Variants in CDC42BPA observed in about 807,000 individuals in gnomAD.
The protein encoded by CDC42BPA is serine/threonine-protein kinase MRCK alpha.
CDC42BPA carries 80 observed loss-of-function variants against 223.5 expected under a neutral mutation model. The observed-to-expected ratio is 0.36, with a 90% confidence interval of 0.30 to 0.43. CDC42BPA has a LOEUF of 0.43. Among genes scored for constraint, CDC42BPA ranks in the 20% least tolerant of loss-of-function variants. The pLI is 1.00. For synonymous variants in CDC42BPA, 694 were observed against 718.6 expected, an observed-to-expected ratio of 0.97 and a Z score of 0.55; for missense variants, 1,743 against 2,099.9, an observed-to-expected ratio of 0.83 and a Z score of 3.32.
chr1:227,120,747 C>T lies in CDC42BPA; in HGVS notation c.1514-810G>A, dbSNP rs1688521004. On this transcript the variant is annotated intron_variant, in intron 11 of 36. Coordinates refer to ENST00000366766, the MANE Select transcript of CDC42BPA (RefSeq NM_001394014.1). Reference sequence around the variant, plus strand: ...CAGTGATACAGAGAAATCTAAACAACACTCATTATCGGTTCTGCTCTGGAT... The same window carrying T: ...CAGTGATACAGAGAAATCTAAACAATACTCATTATCGGTTCTGCTCTGGAT... Among the ~76,000 whole-genome samples, 4 of 152,268 alleles carry T rather than the reference C, an allele frequency of 2.6e-5. No homozygotes were observed. In the South Asian group the frequency reaches 8.3e-4, roughly 32 times the overall value.
chr1:227,059,189 CAA>C (rs59693176), intron 21 of CDC42BPA, among the ~76,000 whole-genome samples: 2 of 144,270 alleles, frequency 1.4e-5, no homozygotes. Flanking sequence ...CGGCCAAAGC[CAA>C]AAAAAAAACA....
At chr1:227,059,199 A>AC (rs397759620) in intron 21 of CDC42BPA, among the ~76,000 whole-genome samples, 3 of 152,238 alleles carry the variant, frequency 2.0e-5, no homozygotes, top group South Asian at 2.1e-4. Context: ...CAAAAAAAAA[A>AC]CATAAACAAA....
chr1:227,258,686 C>G (rs1229175196), intron 1 of CDC42BPA, among the ~76,000 whole-genome samples: 2 of 150,754 alleles, frequency 1.3e-5, no homozygotes, highest in Non-Finnish European at 2.9e-5. Flanking sequence ...TTTCTTATTT[C>G]TATGCTGCAT....
chr1:227,103,983 T>TG (rs1685477078), intron 14 of CDC42BPA, among the ~76,000 whole-genome samples: 2 of 151,938 alleles, frequency 1.3e-5, no homozygotes, highest in African/African-American at 2.4e-5. Flanking sequence ...AAGATCAAAA[T>TG]TAAGGGATAC....
At chr1:227,157,918 G>A (rs936480760) in intron 6 of CDC42BPA, among the ~76,000 whole-genome samples, 3 of 150,312 alleles carry the variant, frequency 2.0e-5, no homozygotes, top group Non-Finnish European at 3.0e-5. Context: ...AATCTTTAAG[G>A]CTACATTTTC....
intron 32 of CDC42BPA, 120 bp from the exon 33 acceptor site, chr1:227,017,170 T>A (rs2148505491): frequency 1.2e-6 from 1 of 845,572 alleles, no homozygotes; most frequent in Non-Finnish European, 1.8e-6. Flanking sequence ...TTCTGGTTTT[T>A]AAATGTTGTG....
In CDC42BPA at chr1:227,160,648, A is replaced by G. The variant is rs3754419; in HGVS notation, c.600-12T>C. The G allele has an allele frequency of 1.5e-6, 2 of 1,376,404 alleles. No individual in the cohort carries two copies. Among genetic ancestry groups the G allele is most frequent in the Non-Finnish European group, 2.0e-6 (2 of 984,652 alleles). 85.3% of individuals were successfully genotyped at this position (1,376,404 alleles called of 1,614,324 possible). A position where few individuals can be genotyped will look rare whatever the true frequency, so the allele number is the denominator to read the frequency against. ...CAGGTTTAATGTCTCTGAAAAAATAAATAAATTCAATTTTTAGTGGAAAAA... is the reference window on the plus strand; with the variant it reads ...CAGGTTTAATGTCTCTGAAAAAATAGATAAATTCAATTTTTAGTGGAAAAA... On this transcript the variant is annotated splice_polypyrimidine_tract_variant and intron_variant, in intron 5 of 36. Transcript: ENST00000366766.
chr1:227,246,858 C>T (rs1320962550), intron 2 of CDC42BPA, among the ~76,000 whole-genome samples: 1 of 152,142 alleles, frequency 6.6e-6, no homozygotes, highest in Non-Finnish European at 1.5e-5. Context: ...CACTGGGGAT[C>T]AATCCTAGAG....
At chr1:227,121,964 C>T (rs1688749111) in intron 11 of CDC42BPA, among the ~76,000 whole-genome samples, 1 of 151,954 alleles carries the variant, frequency 6.6e-6, no homozygotes. Flanking sequence ...CCACGTCTGG[C>T]TAATTCTTGT....
chr1:227,203,288 C>T (rs1672108433), intron 3 of CDC42BPA, among the ~76,000 whole-genome samples: 1 of 152,148 alleles, frequency 6.6e-6, no homozygotes, highest in South Asian at 2.1e-4. Context: ...CTCTCAGTTG[C>T]TTGTCACAAT....
At chr1:227,133,439 G>A (rs1020149485) in intron 10 of CDC42BPA, among the ~76,000 whole-genome samples, 21 of 152,328 alleles carry the variant, frequency 1.4e-4, no homozygotes, top group South Asian at 6.2e-4. Flanking sequence ...CCCTCTGCCC[G>A]GCCACGACCC....
intron 1 of CDC42BPA, among the ~76,000 whole-genome samples, chr1:227,266,699 A>G (rs1572731500): frequency 6.6e-6 from 1 of 152,222 alleles, no homozygotes; most frequent in East Asian, 1.9e-4. Context: ...GGCTATCAGA[A>G]TAGGACTCAT....
At chr1:227,178,244 T>C (rs1347302543) in intron 5 of CDC42BPA, 3 of 152,226 alleles carry the variant, frequency 2.0e-5, no homozygotes, top group African/African-American at 7.2e-5. Flanking sequence ...AACTGAATCA[T>C]GGGGGCAGTT....
chr1:227,120,076 CTT>C, intron 11 of CDC42BPA, 139 bp from the exon 12 acceptor site: 1 of 554,944 alleles, frequency 1.8e-6, no homozygotes. Context: ...CAGTATGACT[CTT>C]GACAAATTAA....
At chr1:227,282,886 A>G (rs1688220504) in intron 1 of CDC42BPA, among the ~76,000 whole-genome samples, 1 of 152,224 alleles carries the variant, frequency 6.6e-6, no homozygotes, top group African/African-American at 2.4e-5. Context: ...TCAGTTTAGC[A>G]AAACACAAAA....
At chr1:227,158,966 G>A (rs751337726) in intron 6 of CDC42BPA, among the ~76,000 whole-genome samples, 2 of 152,052 alleles carry the variant, frequency 1.3e-5, no homozygotes, top group Non-Finnish European at 2.9e-5. Flanking sequence ...AACTGCCCCA[G>A]TCTTTGCGCA....
intron 1 of CDC42BPA, among the ~76,000 whole-genome samples, chr1:227,276,686 G>C (rs560681944): frequency 1.6e-4 from 25 of 152,364 alleles, no homozygotes; most frequent in Middle Eastern, 3.4e-3. Context: ...CTGTGTCTGT[G>C]TAGAAAGAAG....
At position 227,238,189 on chromosome 1, in the gene CDC42BPA, A is replaced by AT. The variant is rs34346129; in HGVS notation, c.270+15874dup. On this transcript the variant is annotated intron_variant, in intron 2 of 36. Coordinates refer to ENST00000366766, the MANE Select transcript of CDC42BPA (RefSeq NM_001394014.1). ...GCAACAAAGTGAGACCCCCATCTCTATTTTTTTTTTTAATTTTTAATTAGC... is the reference window on the plus strand; with the variant it reads ...GCAACAAAGTGAGACCCCCATCTCTATTTTTTTTTTTTAATTTTTAATTAGC... Among the ~76,000 whole-genome samples, 564 of 147,730 alleles carry AT rather than the reference A, an allele frequency of 3.8e-3. 3 individuals carry two copies. Among genetic ancestry groups the AT allele is most frequent in the African/African-American group, 7.3e-3 (293 of 40,184 alleles).
At chr1:227,011,920 T>A (rs1665296171) in intron 34 of CDC42BPA, among the ~76,000 whole-genome samples, 1 of 152,128 alleles carries the variant, frequency 6.6e-6, no homozygotes, top group African/African-American at 2.4e-5. Flanking sequence ...AATGGCGTGT[T>A]GGAGAGAGTG....
Sources: allele counts gnomAD v4.1 joint callset (sites outside exome capture counted in the v4.1 genomes callset), GRCh38; gene constraint gnomAD v4.1.1; transcripts MANE v1.5; gene names NCBI Gene and HGNC (gene_info 2026-07-23, HGNC 2026-07-21).